Variants in PCNT observed in about 807,000 individuals in gnomAD.
PCNT encodes kendrin.
PCNT carries 319 observed loss-of-function variants against 380.4 expected under a neutral mutation model. The ratio of observed to expected loss-of-function variants is 0.84; its 90% CI spans 0.77 to 0.92. PCNT has a LOEUF of 0.92. PCNT is among the 40% of genes least tolerant of loss of function. The probability of loss-of-function intolerance (pLI) is 0.00; values close to 1 mark genes in which losing one functional copy is unlikely to be tolerated. For missense variants in PCNT, 4,400 were observed against 4,255.3 expected, an observed-to-expected ratio of 1.03 and a Z score of -0.95; for synonymous variants, 1,845 against 1,735.2, an observed-to-expected ratio of 1.06 and a Z score of -1.57.
intron 44 of PCNT, 154 bp downstream of exon 44, chr21:46,442,727 G>A (rs1005790124): frequency 2.9e-6 from 2 of 687,926 alleles, no homozygotes; most frequent in African/African-American, 3.5e-5. Context: ...CGTCCAGAGG[G>A]AAGGCGCGCC....
chr21:46,346,326 G>GT, intron 4 of PCNT, 118 bp downstream of exon 4: 1 of 840,500 alleles, frequency 1.2e-6, no homozygotes, highest in East Asian at 2.6e-5. Flanking sequence ...TGAGTTGTCT[G>GT]TTTCCACGTT....
intron 30 of PCNT, 69 bp downstream of exon 30, chr21:46,416,908 C>T: frequency 6.6e-7 from 1 of 1,508,154 alleles, no homozygotes; most frequent in Non-Finnish European, 8.9e-7. Context: ...GCCACGGCAG[C>T]TGCCATTGTT....
Position 46,395,820 on chromosome 21 carries a change from G to A in PCNT, c.4217-1445G>A, listed in dbSNP as rs372657300. On this transcript the variant is annotated intron_variant, in intron 21 of 46. Coordinates refer to ENST00000359568, the MANE Select transcript of PCNT (RefSeq NM_006031.6). ...CAGAGACTCCATCTCAGAAATAATA[G>A]TAATAAAATGGAGACTTCAGGACTC... Among the ~76,000 whole-genome samples, 94 of 147,234 alleles carry A rather than the reference G, an allele frequency of 6.4e-4. No individual in the cohort carries two copies. The East Asian group carries it at 0.014, about 22-fold the overall frequency.
chr21:46,427,356 C>A (rs557944474), intron 33 of PCNT, among the ~76,000 whole-genome samples: 1 of 152,238 alleles, frequency 6.6e-6, no homozygotes, highest in Non-Finnish European at 1.5e-5. Flanking sequence ...ACATTGATTT[C>A]ACCTGTTGTG....
chr21:46,362,965 C>T (rs1384903898), intron 13 of PCNT, among the ~76,000 whole-genome samples: 1 of 152,238 alleles, frequency 6.6e-6, no homozygotes, highest in African/African-American at 2.4e-5. Flanking sequence ...TCATCCACCC[C>T]TTGCTCAAGG....
Position 46,416,779 on chromosome 21 carries a change from G to T in PCNT, c.6861G>T (p.Leu2287=). 1 of 1,603,240 alleles carries T rather than the reference G, an allele frequency of 6.2e-7. No individual in the cohort carries two copies. Among genetic ancestry groups the T allele is most frequent in the South Asian group, 1.1e-5 (1 of 90,846 alleles). ...CCCCAGGCGTGTCTGCAGCAGCGCTGGCACTGCAGTGGGCCGAGTCTCCGC... is the reference window on the plus strand; with the variant it reads ...CCCCAGGCGTGTCTGCAGCAGCGCTTGCACTGCAGTGGGCCGAGTCTCCGC... The part of the protein sequence containing the change: ...LCSPGVSAAA[L]ALQWAESPPA... The change falls in exon 30 of 47, where the codon CTG becomes CTT. Residue 2287 remains leucine (L), a synonymous_variant. Coordinates refer to ENST00000359568, the MANE Select transcript of PCNT (RefSeq NM_006031.6).
chr21:46,341,790 C>G (rs935587964), intron 3 of PCNT, among the ~76,000 whole-genome samples: 1 of 152,040 alleles, frequency 6.6e-6, no homozygotes, highest in African/African-American at 2.4e-5. Context: ...AGCAGTCTTT[C>G]TACTCAGCCT....
chr21:46,416,304 G>A lies in PCNT; in HGVS notation c.6386G>A (p.Cys2129Tyr). 1.2e-6 allele frequency: 2 copies of A among 1,613,958 alleles called. No individual in the cohort carries two copies. The highest frequency in any genetic ancestry group is 1.1e-5 in the South Asian group (1 of 91,050). Residue 2129 changes from cysteine to tyrosine, a missense_variant, in exon 30 of 47, where the codon TGT becomes TAT. Physicochemically the swap from Cys to Tyr is radical, Grantham distance 194. Coordinates refer to ENST00000359568, the MANE Select transcript of PCNT (RefSeq NM_006031.6). ...EPDISPHIDT[C>Y]DANTATGGVT... ...GACATATCACCCCACATAGACACAT[G>A]TGATGCCAATACAGCCACGGGGGGT...
chr21:46,385,999 G>T lies in PCNT; in HGVS notation c.3464+16G>T. The T allele has an allele frequency of 6.2e-7, 1 of 1,613,426 alleles. No homozygotes were observed. Among genetic ancestry groups the T allele is most frequent in the Non-Finnish European group, 8.5e-7 (1 of 1,179,912 alleles). ...ACAGCGAAAGGTCAGTGTGTCCTCG[G>T]CACCGAGGCTGCCTTGTGGCCGCCA... On this transcript the variant is annotated intron_variant, in intron 17 of 46. Transcript: ENST00000359568.
Position 46,385,994 on chromosome 21 carries a change from C to T in PCNT, c.3464+11C>T. 1 of 1,613,778 alleles carries T rather than the reference C, an allele frequency of 6.2e-7. No homozygotes were observed. Among genetic ancestry groups the T allele is most frequent in the Non-Finnish European group, 8.5e-7 (1 of 1,179,958 alleles). The stretch of plus-strand genomic sequence containing the variant: ...GTCCCACAGCGAAAGGTCAGTGTGT[C>T]CTCGGCACCGAGGCTGCCTTGTGGC... On this transcript the variant is annotated intron_variant, in intron 17 of 46. Coordinates refer to ENST00000359568, the MANE Select transcript of PCNT (RefSeq NM_006031.6).
In PCNT at chr21:46,443,887, A is replaced by T; in HGVS notation, c.9778A>T (p.Thr3260Ser). 6.2e-7 allele frequency: 1 copy of T among 1,612,988 alleles called. No individual in the cohort carries two copies. The highest frequency in any genetic ancestry group is 1.1e-5 in the South Asian group (1 of 91,030). Residue 3260 changes from threonine (T) to serine (S), a missense_variant, in exon 45 of 47, where the codon ACC becomes TCC. Thr to Ser is a moderately conservative substitution (Grantham distance 58). Transcript: ENST00000359568. ...PPTRDVPSGH[T>S]RDPARGRRLA... ...AACCCGGGATGTACCCTCTGGCCAC[A>T]CCAGGGACCCTGCCAGAGGCCGCAG...
intron 43 of PCNT, among the ~76,000 whole-genome samples, chr21:46,442,116 T>C (rs1160103095): frequency 6.6e-6 from 1 of 152,108 alleles, no homozygotes; most frequent in Non-Finnish European, 1.5e-5. Flanking sequence ...AGGATGAAGA[T>C]GGGAGGGTCC....
intron 9 of PCNT, 127 bp from the exon 10 acceptor site, chr21:46,352,977 C>A: frequency 2.6e-6 from 2 of 763,272 alleles, no homozygotes; most frequent in Non-Finnish European, 2.3e-6. Context: ...CCTCATCCCT[C>A]TCCGGTTCTG....
intron 16 of PCNT, among the ~76,000 whole-genome samples, chr21:46,384,150 A>G (rs1305368996): frequency 5.7e-5 from 8 of 141,042 alleles, no homozygotes; most frequent in Non-Finnish European, 9.2e-5. Context: ...AAGCACATTC[A>G]CAGTGCTGTG....
chr21:46,399,356 C>G (rs2086338970), intron 24 of PCNT, among the ~76,000 whole-genome samples: 2 of 22,562 alleles, frequency 8.9e-5, no homozygotes, highest in African/African-American at 6.4e-4. Context: ...GTCTAGGTCT[C>G]TGTTCAGCCT....
rs1556001375 is a variant in PCNT, at chr21:46,431,847, A to G, written c.8383A>G (p.Lys2795Glu). The change falls in exon 38 of 47, where the codon AAG (lysine) becomes GAG (glutamate). Residue 2795 changes from lysine to glutamate, a missense_variant. Transcript: ENST00000359568. The part of the protein sequence containing the change: ...QAHHALLQKL[K>E]EEKSRVVDLQ... ...CCATCACGCTCTGCTGCAGAAGCTGAAGGAGGAGAAGTCCCGGGTGGTGGA... is the reference window on the plus strand; with the variant it reads ...CCATCACGCTCTGCTGCAGAAGCTGGAGGAGGAGAAGTCCCGGGTGGTGGA... 1.9e-6 allele frequency: 3 copies of G among 1,613,988 alleles called. No homozygotes were observed. Among genetic ancestry groups the G allele is most frequent in the Non-Finnish European group, 1.7e-6 (2 of 1,180,024 alleles).
intron 46 of PCNT, among the ~76,000 whole-genome samples, chr21:46,445,075 C>T (rs2053719215): frequency 6.6e-6 from 1 of 152,194 alleles, no homozygotes; most frequent in Non-Finnish European, 1.5e-5. Flanking sequence ...CTTTCTCTTA[C>T]ATTGATAGCG....
intron 3 of PCNT, among the ~76,000 whole-genome samples, chr21:46,336,600 G>A (rs533281846): frequency 2.0e-5 from 3 of 152,184 alleles, no homozygotes; most frequent in South Asian, 2.1e-4. Context: ...CCCTGTCTCC[G>A]TTCTGAGTCC....
At position 46,411,800 on chromosome 21, in the gene PCNT, C is replaced by T; in HGVS notation, c.5727C>T (p.Pro1909=). 6.3e-7 allele frequency: 1 copy of T among 1,595,074 alleles called. No individual in the cohort carries two copies. Among genetic ancestry groups the T allele is most frequent in the South Asian group, 1.1e-5 (1 of 90,366 alleles). The change falls in exon 28 of 47, where the codon CCC becomes CCT. Residue 1909 remains proline, a synonymous_variant. Coordinates refer to ENST00000359568, the MANE Select transcript of PCNT (RefSeq NM_006031.6). ...TCCGCCGCGCCCTGGAGCAGCAGCC[C>T]CTGGCAGCCGGGGCGGCGCCTCCCG... ...ARIRRALEQQ[P]LAAGAAPPEL...
Sources: allele counts gnomAD v4.1 joint callset (sites outside exome capture counted in the v4.1 genomes callset), GRCh38; gene constraint gnomAD v4.1.1; transcripts MANE v1.5; gene names NCBI Gene and HGNC (gene_info 2026-07-23, HGNC 2026-07-21).